The following NCBP3 variants were observed in gnomAD, a reference collection of about 807,000 sequenced individuals.
The protein encoded by NCBP3 is nuclear cap-binding protein subunit 3.
Under a neutral mutation model 75.7 loss-of-function variants are expected in NCBP3, and 20 were observed. That is an observed-to-expected ratio of 0.26 (90% CI 0.19 to 0.38). NCBP3 has a LOEUF of 0.38. NCBP3 is among the 10% of genes least tolerant of loss of function. The pLI, the probability that NCBP3 is intolerant of heterozygous loss-of-function variation, is 1.00. For missense variants in NCBP3, 678 were observed against 796.9 expected, an observed-to-expected ratio of 0.85 and a Z score of 1.80; for synonymous variants, 293 against 290.5, an observed-to-expected ratio of 1.01 and a Z score of -0.09.
chr17:3,840,125 G>C lies in NCBP3; in HGVS notation c.330C>G (p.Ala110=). The change falls in exon 3 of 13, where the codon GCC becomes GCG. Residue 110 remains alanine (A), a synonymous_variant. Transcript: ENST00000389005. The stretch of plus-strand genomic sequence containing the variant: ...CTTTCTTCATCATGTCTCGGTCCAA[G>C]GCTACATTTCTTTGGGCAAGATTTA... ...SEVNLAQRNV[A]LDRDMMKKAI... is the part of the protein sequence containing the mutation. The C allele has an allele frequency of 1.3e-6, 2 of 1,551,632 alleles. No individual in the cohort carries two copies. Among genetic ancestry groups the C allele is most frequent in the Non-Finnish European group, 1.7e-6 (2 of 1,146,926 alleles).
Position 3,814,337 on chromosome 17 carries a change from G to C in NCBP3, c.1612C>G (p.Arg538Gly). Residue 538 changes from arginine to glycine, a missense_variant, in exon 12 of 13, where the codon CGG becomes GGG. Transcript: ENST00000389005. ...TGTTACCAACCTGATTTCTTCTCCCGAGTATCGGCGTAGAGGCCTTTACTA... is the reference window on the plus strand; with the variant it reads ...TGTTACCAACCTGATTTCTTCTCCCCAGTATCGGCGTAGAGGCCTTTACTA... ...QDSKGLYADT[R>G]EKKSGNLWTR... 1 of 1,614,028 alleles carries C rather than the reference G, an allele frequency of 6.2e-7. No individual in the cohort carries two copies. The highest frequency in any genetic ancestry group is 8.5e-7 in the Non-Finnish European group (1 of 1,179,956).
At chr17:3,840,539 C>T (rs751513886) in intron 2 of NCBP3, among the ~76,000 whole-genome samples, 8 of 152,116 alleles carry the variant, frequency 5.3e-5, no homozygotes, top group South Asian at 2.1e-4. Context: ...ATCAATTATG[C>T]CAACAAATTA....
Position 3,813,290 on chromosome 17 carries a change from G to T in NCBP3, c.1628-11C>A. ...GAGTCCATAAATTACCTGTTTGGAT[G>T]AGATGGCATTTCACTTTCGCAGTCA... is the stretch of plus-strand genomic sequence containing the variant. On this transcript the variant is annotated splice_polypyrimidine_tract_variant and intron_variant, in intron 12 of 12. Transcript: ENST00000389005. 2 of 1,613,414 alleles carry T rather than the reference G, an allele frequency of 1.2e-6. No individual in the cohort carries two copies. The highest frequency in any genetic ancestry group is 8.5e-7 in the Non-Finnish European group (1 of 1,179,902).
In NCBP3 at chr17:3,814,481, T is replaced by C; in HGVS notation, c.1468A>G (p.Ile490Val). ...GGTCTTTTTCCTAACCGCTGGCGTA[T>C]ATCTGAAAAAAGAGAAAAAGTGCAC... ...RPPVSSTKSD[I>V]RQRLGKRPHS... The change falls in exon 12 of 13, where the codon ATA becomes GTA. Residue 490 changes from isoleucine (I) to valine (V), a missense_variant and splice_region_variant. This residue lies in a region of NCBP3 where 365 missense variants were observed against 392.7 expected (regional missense o/e 0.93). Coordinates refer to ENST00000389005, the MANE Select transcript of NCBP3 (RefSeq NM_001114118.3). 6.2e-7 allele frequency: 1 copy of C among 1,613,824 alleles called. No homozygotes were observed. Among genetic ancestry groups the C allele is most frequent in the Non-Finnish European group, 8.5e-7 (1 of 1,179,916 alleles).
rs982026412 is a variant in NCBP3, at chr17:3,802,531, G to C, written c.*10513C>G. The C allele has an allele frequency of 6.6e-6, 1 of 152,200 alleles. No individual in the cohort carries two copies. Among genetic ancestry groups the C allele is most frequent in the African/African-American group, 2.4e-5 (1 of 41,452 alleles). The allele number at this position is 152,200 out of a possible 1,614,324, so 9.4% of individuals were successfully genotyped here. A position where few individuals can be genotyped will look rare whatever the true frequency, so the allele number is the denominator to read the frequency against. ...TTGTAAAAGCAAAATTCCAGGTCTG[G>C]TGGTTTTCCTGCCAGGTCATGATGA... On this transcript the variant is annotated 3_prime_UTR_variant, in exon 13 of 13. Transcript: ENST00000389005.
chr17:3,826,075 T>C lies in NCBP3; in HGVS notation c.610+12A>G. 6.5e-7 allele frequency: 1 copy of C among 1,550,094 alleles called. No homozygotes were observed. Among genetic ancestry groups the C allele is most frequent in the Non-Finnish European group, 8.7e-7 (1 of 1,146,218 alleles). ...GACTTTCAGACCCCAGTTCCCTCCT[T>C]TGTGTTGTTACCTTTTTTCCTTTTC... On this transcript the variant is annotated intron_variant, in intron 5 of 12. Transcript: ENST00000389005.
rs1156542528 is a variant in NCBP3 at position 3,806,481 on chromosome 17, T to C, written c.*6563A>G. Reference sequence around the variant, plus strand: ...TTGAGATAACACAAAGTCTCAACTATTTACGAACCTGGTCATCCAGAGAGG... The same window carrying C: ...TTGAGATAACACAAAGTCTCAACTACTTACGAACCTGGTCATCCAGAGAGG... On this transcript the variant is annotated 3_prime_UTR_variant, in exon 13 of 13. Transcript: ENST00000389005. 2 of 152,184 alleles carry C rather than the reference T, an allele frequency of 1.3e-5. No individual in the cohort carries two copies. Among genetic ancestry groups the C allele is most frequent in the African/African-American group, 2.4e-5 (1 of 41,446 alleles). The allele number at this position is 152,184 out of a possible 1,614,324, so 9.4% of individuals were successfully genotyped here. A position where few individuals can be genotyped will look rare whatever the true frequency, so the allele number is the denominator to read the frequency against.
At chr17:3,828,712 C>T (rs958902957) in intron 4 of NCBP3, among the ~76,000 whole-genome samples, 28 of 152,096 alleles carry the variant, frequency 1.8e-4, no homozygotes, top group African/African-American at 6.8e-4. Flanking sequence ...CATTCTAGAA[C>T]ACACAGTTCA....
intron 1 of NCBP3, among the ~76,000 whole-genome samples, chr17:3,843,733 G>C (rs1204416941): frequency 6.6e-6 from 1 of 152,088 alleles, no homozygotes; most frequent in East Asian, 1.9e-4. Context: ...TTTTAGTAGA[G>C]ACGAGGTTTC....
chr17:3,839,679 T>C (rs957991907), intron 3 of NCBP3, among the ~76,000 whole-genome samples: 2 of 152,210 alleles, frequency 1.3e-5, no homozygotes, highest in African/African-American at 4.8e-5. Context: ...AAAGTGTTAA[T>C]GGCTTTTCCC....
intron 1 of NCBP3, among the ~76,000 whole-genome samples, chr17:3,845,645 G>A (rs2054149379): frequency 6.6e-6 from 1 of 152,298 alleles, no homozygotes; most frequent in South Asian, 2.1e-4. Flanking sequence ...AAGGAGACCT[G>A]GTTGCTGGCG....
intron 10 of NCBP3, among the ~76,000 whole-genome samples, chr17:3,817,599 A>G (rs1161686595): frequency 1.3e-5 from 2 of 152,216 alleles, no homozygotes; most frequent in East Asian, 3.8e-4. Context: ...ACTGCACTCC[A>G]GCCTGGGTGA....
At chr17:3,834,041 G>A (rs188991169) in intron 3 of NCBP3, among the ~76,000 whole-genome samples, 2 of 152,164 alleles carry the variant, frequency 1.3e-5, no homozygotes, top group Non-Finnish European at 2.9e-5. Context: ...AACCTTATCC[G>A]CATTTAGGCC....
chr17:3,827,931 CT>C (rs1463632178), intron 4 of NCBP3, among the ~76,000 whole-genome samples: 1 of 151,948 alleles, frequency 6.6e-6, no homozygotes, highest in Non-Finnish European at 1.5e-5. Flanking sequence ...TTTTTTCTTT[CT>C]TTTTGAGATG....
intron 9 of NCBP3, among the ~76,000 whole-genome samples, chr17:3,820,421 T>C (rs1449382408): frequency 1.3e-5 from 2 of 152,184 alleles, no homozygotes; most frequent in Non-Finnish European, 2.9e-5. Context: ...ATTCCATAGA[T>C]TAGGCTCAAA....
At position 3,814,336 on chromosome 17, in the gene NCBP3, C is replaced by A. The variant is rs566972085; in HGVS notation, c.1613G>T (p.Arg538Leu). Residue 538 changes from arginine to leucine, a missense_variant, in exon 12 of 13, where the codon CGG (arginine) becomes CTG (leucine). Coordinates refer to ENST00000389005, the MANE Select transcript of NCBP3 (RefSeq NM_001114118.3). ...GTGTTACCAACCTGATTTCTTCTCCCGAGTATCGGCGTAGAGGCCTTTACT... is the reference window on the plus strand; with the variant it reads ...GTGTTACCAACCTGATTTCTTCTCCAGAGTATCGGCGTAGAGGCCTTTACT... The part of the protein sequence containing the change: ...QDSKGLYADT[R>L]EKKSGNLWTR... 2 of 1,613,906 alleles carry A rather than the reference C, an allele frequency of 1.2e-6. No homozygotes were observed.
rs1484396624 is a variant in NCBP3, at chr17:3,818,243, T to C, written c.1310+20A>G. 6.5e-7 allele frequency: 1 copy of C among 1,531,752 alleles called. No individual in the cohort carries two copies. The highest frequency in any genetic ancestry group is 1.4e-5 in the African/African-American group (1 of 72,256). 94.9% of individuals were successfully genotyped at this position (1,531,752 alleles called of 1,614,324 possible). A position where few individuals can be genotyped will look rare whatever the true frequency, so the allele number is the denominator to read the frequency against. ...TTTAAAATCAAATTAAAAGCTAGCT[T>C]TGATAAAACAAATTTTTACCTAATA... On this transcript the variant is annotated intron_variant, in intron 10 of 12. Coordinates refer to ENST00000389005, the MANE Select transcript of NCBP3 (RefSeq NM_001114118.3). The surrounding 1 kb of genome is among the most constrained non-coding windows in gnomAD (Gnocchi z 4.7).
intron 6 of NCBP3, 107 bp downstream of exon 6, chr17:3,825,660 G>T: frequency 1.3e-6 from 1 of 760,600 alleles, no homozygotes; most frequent in Non-Finnish European, 2.2e-6. Flanking sequence ...AAGGTCTAAT[G>T]GTGAAAGCTA....
At position 3,840,138 on chromosome 17, in the gene NCBP3, T is replaced by C; in HGVS notation, c.317A>G (p.Gln106Arg). ...GTCTCGGTCCAAGGCTACATTTCTT[T>C]GGGCAAGATTTACTTCCGATCGAAA... ...FHFRSEVNLA[Q>R]RNVALDRDMM... The change falls in exon 3 of 13, where the codon CAA becomes CGA. Residue 106 changes from glutamine (Q) to arginine (R), a missense_variant. By Grantham distance (43) the Gln-to-Arg change is conservative. This residue lies in a region of NCBP3 where 40 missense variants were observed against 41.3 expected (regional missense o/e 0.97). Transcript: ENST00000389005. The C allele has an allele frequency of 6.4e-7, 1 of 1,551,740 alleles. No individual in the cohort carries two copies. The highest frequency in any genetic ancestry group is 8.7e-7 in the Non-Finnish European group (1 of 1,146,994).
Sources: allele counts gnomAD v4.1 joint callset (sites outside exome capture counted in the v4.1 genomes callset), GRCh38; gene constraint gnomAD v4.1.1; regional missense constraint gnomAD v4.1.1; non-coding constraint Gnocchi (gnomAD v3.1); transcripts MANE v1.5; gene names NCBI Gene and HGNC (gene_info 2026-07-23, HGNC 2026-07-21).